Variants in CYP19A1 observed in about 807,000 individuals in gnomAD.
CYP19A1 encodes cytochrome P450 family 19 subfamily A member 1, also known as aromatase.
A neutral mutation model predicts 44.4 loss-of-function variants in CYP19A1; 32 were observed. The ratio of observed to expected loss-of-function variants is 0.72; its 90% CI spans 0.54 to 0.97. The LOEUF (loss-of-function observed/expected upper bound fraction) is 0.97. CYP19A1 is among the 50% of genes least tolerant of loss of function. The pLI, the probability that CYP19A1 is intolerant of heterozygous loss-of-function variation, is 0.00. For missense variants in CYP19A1, 598 were observed against 637.8 expected, an observed-to-expected ratio of 0.94 and a Z score of 0.67; for synonymous variants, 212 against 215.6, an observed-to-expected ratio of 0.98 and a Z score of 0.14.
Position 51,227,918 on chromosome 15 carries a change from G to C in CYP19A1, c.312C>G (p.Phe104Leu). The C allele has an allele frequency of 6.3e-7, 1 of 1,594,660 alleles. No homozygotes were observed. The highest frequency in any genetic ancestry group is 8.6e-7 in the Non-Finnish European group (1 of 1,162,314). Residue 104 changes from phenylalanine (F) to leucine (L), a missense_variant, in exon 4 of 10, where the codon TTC becomes TTG. Transcript: ENST00000396402. ...TLIISKSSSM[F>L]HIMKHNHYSS... ...TGTAATGATTGTGCTTCATTATGTG[G>C]AACATACTTGAGGACCTGAAAAGAC...
At chr15:51,334,153 A>G (rs995997001) in intron 1 of CYP19A1, among the ~76,000 whole-genome samples, 3 of 151,958 alleles carry the variant, frequency 2.0e-5, no homozygotes, top group African/African-American at 4.8e-5. Flanking sequence ...CCACTCCATC[A>G]CTTTGAATCA....
intron 1 of CYP19A1, among the ~76,000 whole-genome samples, chr15:51,251,571 TG>T (rs2034312142): frequency 6.6e-6 from 1 of 152,178 alleles, no homozygotes; most frequent in African/African-American, 2.4e-5. Flanking sequence ...GCTCAGTAAA[TG>T]TTTGTGAAGT....
chr15:51,332,494 C>T (rs999244100), intron 1 of CYP19A1, among the ~76,000 whole-genome samples: 1 of 152,204 alleles, frequency 6.6e-6, no homozygotes, highest in African/African-American at 2.4e-5. Context: ...CATTCCTGAA[C>T]TGTCTATTAT....
chr15:51,237,882 G>T (rs1435955438), intron 2 of CYP19A1, among the ~76,000 whole-genome samples: 1 of 152,194 alleles, frequency 6.6e-6, no homozygotes, highest in Non-Finnish European at 1.5e-5. Context: ...GTTTTCAGGA[G>T]TTGACAAGTA....
chr15:51,330,927 T>A (rs1377529005), intron 1 of CYP19A1, among the ~76,000 whole-genome samples: 2 of 152,050 alleles, frequency 1.3e-5, no homozygotes, highest in Non-Finnish European at 2.9e-5. Flanking sequence ...GGTTCAATGT[T>A]TGGTGGGAGA....
At chr15:51,282,619 T>C (rs895654839) in intron 1 of CYP19A1, among the ~76,000 whole-genome samples, 32 of 152,206 alleles carry the variant, frequency 2.1e-4, no homozygotes, top group African/African-American at 7.5e-4. Flanking sequence ...CAAACTGTCT[T>C]TTCTCTTTCC....
At chr15:51,331,869 T>G (rs1332003542) in intron 1 of CYP19A1, among the ~76,000 whole-genome samples, 1 of 152,106 alleles carries the variant, frequency 6.6e-6, no homozygotes, top group Non-Finnish European at 1.5e-5. Flanking sequence ...GACTTTTTAT[T>G]CTCAATTTTT....
intron 1 of CYP19A1, among the ~76,000 whole-genome samples, chr15:51,303,688 G>A (rs1284435915): frequency 6.6e-6 from 1 of 152,172 alleles, no homozygotes; most frequent in African/African-American, 2.4e-5. Flanking sequence ...CACAAGAATG[G>A]CTAATAACTG....
chr15:51,267,781 G>T (rs943482684), intron 1 of CYP19A1, among the ~76,000 whole-genome samples: 3 of 152,206 alleles, frequency 2.0e-5, no homozygotes, highest in African/African-American at 7.2e-5. Flanking sequence ...CCTTCTGAGC[G>T]CGGGACCCTA....
rs950527328 is a variant in CYP19A1 at position 51,210,540 on chromosome 15, G to C, written c.*268C>G. On this transcript the variant is annotated 3_prime_UTR_variant, in exon 10 of 10. Coordinates refer to ENST00000396402, the MANE Select transcript of CYP19A1 (RefSeq NM_000103.4). ...TTCTCAAAGCACATTTGGTGGAATC[G>C]GGTCTTTATGGATACGGTTTCTTCA... The C allele has an allele frequency of 1.6e-6, 1 of 606,120 alleles. No individual in the cohort carries two copies. 37.5% of individuals were successfully genotyped at this position (606,120 alleles called of 1,614,324 possible).
chr15:51,222,468 G>A lies in CYP19A1; in HGVS notation c.509C>T (p.Thr170Ile), dbSNP rs768164400. The change falls in exon 5 of 10, where the codon ACA (threonine) becomes ATA (isoleucine). Residue 170 changes from threonine (T) to isoleucine (I), a missense_variant. Coordinates refer to ENST00000396402, the MANE Select transcript of CYP19A1 (RefSeq NM_000103.4). ...CACCTCCTCCAACCTGTCCAGATGT[G>A]TTTTGAGGGATTCAGCACAGACTGT... ...MVTVCAESLK[T>I]HLDRLEEVTN... The A allele has an allele frequency of 1.2e-6, 2 of 1,614,138 alleles. No individual in the cohort carries two copies. The highest frequency in any genetic ancestry group is 1.7e-5 in the Admixed American group (1 of 60,024).
At chr15:51,334,452 G>T (rs2036746767) in intron 1 of CYP19A1, among the ~76,000 whole-genome samples, 1 of 152,192 alleles carries the variant, frequency 6.6e-6, no homozygotes, top group African/African-American at 2.4e-5. Context: ...GTAAGGCTTT[G>T]TTTTATCTTT....
intron 1 of CYP19A1, among the ~76,000 whole-genome samples, chr15:51,299,358 A>G (rs1386198261): frequency 6.6e-6 from 1 of 152,232 alleles, no homozygotes; most frequent in Non-Finnish European, 1.5e-5. Context: ...CCAAAGGTGA[A>G]AGGCTCTGTC....
intron 1 of CYP19A1, among the ~76,000 whole-genome samples, chr15:51,265,815 C>G (rs1041577211): frequency 6.6e-6 from 1 of 152,214 alleles, no homozygotes; most frequent in Non-Finnish European, 1.5e-5. Flanking sequence ...GCTCTCCGCT[C>G]TCCTCAGTGC....
At chr15:51,229,128 T>C (rs1412982953) in intron 3 of CYP19A1, among the ~76,000 whole-genome samples, 2 of 152,180 alleles carry the variant, frequency 1.3e-5, no homozygotes, top group Non-Finnish European at 2.9e-5. Flanking sequence ...TTAATCCAGC[T>C]CTCACATCTG....
At chr15:51,287,802 C>T (rs931078079) in intron 1 of CYP19A1, among the ~76,000 whole-genome samples, 1 of 152,156 alleles carries the variant, frequency 6.6e-6, no homozygotes, top group Non-Finnish European at 1.5e-5. Context: ...TGAAGCAGTC[C>T]CAGGTTGCCA....
intron 3 of CYP19A1, among the ~76,000 whole-genome samples, chr15:51,235,695 G>T (rs1035144113): frequency 5.9e-5 from 9 of 152,176 alleles, no homozygotes; most frequent in African/African-American, 2.2e-4. Flanking sequence ...TGGGCTTTGA[G>T]GATACCGTGG....
chr15:51,269,878 G>A (rs1188074386), intron 1 of CYP19A1, among the ~76,000 whole-genome samples: 3 of 151,990 alleles, frequency 2.0e-5, no homozygotes, highest in Non-Finnish European at 4.4e-5. Flanking sequence ...GCCTACTCCC[G>A]CTCCCTCCCT....
intron 6 of CYP19A1, 83 bp from the exon 7 acceptor site, chr15:51,215,900 A>G: frequency 1.3e-6 from 2 of 1,596,510 alleles, no homozygotes; most frequent in East Asian, 2.3e-5. Context: ...GTATTTAGGT[A>G]AAATGATCTG....
Sources: gnomAD v4.1 joint callset for allele counts (sites outside exome capture counted in the v4.1 genomes callset) on GRCh38, gnomAD v4.1.1 for gene constraint, MANE v1.5 for transcripts, NCBI Gene and HGNC (gene_info 2026-07-23, HGNC 2026-07-21) for gene names.